Variants in PRKAR1B observed in about 807,000 individuals in gnomAD.
PRKAR1B encodes protein kinase cAMP-dependent type I regulatory subunit beta.
PRKAR1B carries 22 observed loss-of-function variants against 46.5 expected under a neutral mutation model. The ratio of observed to expected loss-of-function variants is 0.47; its 90% CI spans 0.34 to 0.68. The LOEUF (loss-of-function observed/expected upper bound fraction) is 0.68. PRKAR1B is among the 30% of genes least tolerant of loss of function. The pLI, the probability that PRKAR1B is intolerant of heterozygous loss-of-function variation, is 0.01. For synonymous variants in PRKAR1B, 259 were observed against 217.7 expected (o/e 1.19, Z -1.67); for missense variants, 445 against 535.6 (o/e 0.83, Z 1.67).
intron 4 of PRKAR1B, among the ~76,000 whole-genome samples, chr7:657,173 A>G (rs1354998484): frequency 6.6e-6 from 1 of 152,058 alleles, no homozygotes; most frequent in Non-Finnish European, 1.5e-5. Flanking sequence ...GAATGGATGC[A>G]TGAGTGAATG....
rs1014882823 is a variant in PRKAR1B, at chr7:577,651, G to A, written c.891+1605C>T. Among the ~76,000 whole-genome samples, 11 of 152,246 alleles carry A rather than the reference G, an allele frequency of 7.2e-5. No individual in the cohort carries two copies. The South Asian group carries it at 8.3e-4, about 11-fold the overall frequency. ...GACGCACTGCCGGCCCTGGGGTTCCGGCCCAGTTCCTGCAGCATGAATCCG... is the reference window on the plus strand; with the variant it reads ...GACGCACTGCCGGCCCTGGGGTTCCAGCCCAGTTCCTGCAGCATGAATCCG... On this transcript the variant is annotated intron_variant, in intron 9 of 10. Transcript: ENST00000537384.
intron 9 of PRKAR1B, among the ~76,000 whole-genome samples, chr7:567,484 T>TCATCAC (rs1176206890): frequency 1.6e-5 from 2 of 123,186 alleles, no homozygotes; most frequent in African/African-American, 6.0e-5. Context: ...ACCATCACCT[T>TCATCAC]CATCACCATC....
intron 8 of PRKAR1B, among the ~76,000 whole-genome samples, chr7:582,931 G>C (rs533837352): frequency 6.6e-6 from 1 of 152,358 alleles, no homozygotes; most frequent in East Asian, 1.9e-4. Flanking sequence ...TTCCAAGTAT[G>C]ACATTTTCAA....
At chr7:685,259 T>TATACACAC (rs1185254082) in intron 2 of PRKAR1B, among the ~76,000 whole-genome samples, 92 of 105,760 alleles carry the variant, frequency 8.7e-4, no homozygotes, top group African/African-American at 3.4e-3. Context: ...GTTTTATATA[T>TATACACAC]ACATATATAC....
chr7:692,252 T>G (rs1779471640), intron 2 of PRKAR1B, among the ~76,000 whole-genome samples: 1 of 152,136 alleles, frequency 6.6e-6, no homozygotes, highest in South Asian at 2.1e-4. Flanking sequence ...ATACAAAAAT[T>G]AGCCACATGT....
At chr7:623,019 T>A (rs1037522880) in intron 4 of PRKAR1B, among the ~76,000 whole-genome samples, 1 of 152,198 alleles carries the variant, frequency 6.6e-6, no homozygotes, top group Non-Finnish European at 1.5e-5. Context: ...GGGCAGACCC[T>A]GGGTGCTGGC....
rs748849363 is a variant in PRKAR1B, at chr7:690,421, G to A, written c.178-9695C>T. Among the ~76,000 whole-genome samples the A allele has an allele frequency of 2.6e-5, 4 of 151,934 alleles. No individual in the cohort carries two copies. The East Asian group carries it at 5.8e-4, about 22-fold the overall frequency. ...CCTCAGCATCACGCCGCATCCCCACGTAACAAACCTGCACACGTACCCCCA... is the reference window on the plus strand; with the variant it reads ...CCTCAGCATCACGCCGCATCCCCACATAACAAACCTGCACACGTACCCCCA... On this transcript the variant is annotated intron_variant, in intron 2 of 10. Coordinates refer to ENST00000537384, the MANE Select transcript of PRKAR1B (RefSeq NM_001164760.2).
intron 4 of PRKAR1B, among the ~76,000 whole-genome samples, chr7:635,597 T>G (rs1411992499): frequency 1.3e-5 from 2 of 152,158 alleles, no homozygotes; most frequent in African/African-American, 4.8e-5. Flanking sequence ...CCCGGAAGGC[T>G]CGGGACTCCT....
chr7:707,750 C>T (rs991753806), intron 2 of PRKAR1B, among the ~76,000 whole-genome samples: 1 of 152,174 alleles, frequency 6.6e-6, no homozygotes, highest in Non-Finnish European at 1.5e-5. Flanking sequence ...GCAGGACCCG[C>T]GATGCGTCTA....
chr7:623,404 C>T (rs1783215250), intron 4 of PRKAR1B, among the ~76,000 whole-genome samples: 1 of 152,252 alleles, frequency 6.6e-6, no homozygotes, highest in South Asian at 2.1e-4. Context: ...CTAGGCCCAT[C>T]TGTACTTCCT....
intron 7 of PRKAR1B, among the ~76,000 whole-genome samples, chr7:588,827 GATGGTGGTGATGGTA>G (rs200671819): frequency 0.055 from 1,887 of 34,040 alleles, 128 homozygotes; most frequent in Non-Finnish European, 0.066. Context: ...TGATGGTGGT[GATGGTGGTGATGGTA>G]ATGGTGGTGA....
At chr7:621,844 G>C (rs984841825) in intron 4 of PRKAR1B, among the ~76,000 whole-genome samples, 19 of 152,216 alleles carry the variant, frequency 1.2e-4, no homozygotes, top group African/African-American at 4.6e-4. Flanking sequence ...GTGATCATGA[G>C]GCTTGTGAAG....
At chr7:617,306 T>C (rs1010474750) in intron 4 of PRKAR1B, among the ~76,000 whole-genome samples, 3 of 150,818 alleles carry the variant, frequency 2.0e-5, no homozygotes, top group Non-Finnish European at 4.4e-5. Flanking sequence ...TGCCTTTTTT[T>C]TTTTTTTTTT....
chr7:709,971 G>A (rs192543315), intron 2 of PRKAR1B, among the ~76,000 whole-genome samples: 2,103 of 152,306 alleles, frequency 0.014, 48 homozygotes, highest in African/African-American at 0.048. Context: ...AAACATTTGA[G>A]GGGGAATTCG....
At chr7:589,302 C>T (rs187418132) in intron 7 of PRKAR1B, among the ~76,000 whole-genome samples, 9 of 152,026 alleles carry the variant, frequency 5.9e-5, no homozygotes, top group African/African-American at 1.9e-4. Flanking sequence ...GTGCCATGTC[C>T]ACCTTGGTCC....
At chr7:579,199 A>G (rs1164006571) in intron 9 of PRKAR1B, 57 bp downstream of exon 9, 4 of 1,612,412 alleles carry the variant, frequency 2.5e-6, no homozygotes, top group Non-Finnish European at 3.4e-6. Context: ...GGAGAAGGTA[A>G]GAAGTGCCCC....
chr7:671,230 G>A (rs1428579329), intron 4 of PRKAR1B, among the ~76,000 whole-genome samples: 2 of 152,176 alleles, frequency 1.3e-5, no homozygotes, highest in African/African-American at 2.4e-5. Context: ...GAAGGTGGGC[G>A]TGGATGTCAT....
At chr7:553,034 G>C (rs935863777) in intron 9 of PRKAR1B, among the ~76,000 whole-genome samples, 7 of 152,362 alleles carry the variant, frequency 4.6e-5, no homozygotes, top group African/African-American at 1.7e-4. Context: ...GCGGGGCTGG[G>C]GTAGCTGAAT....
intron 4 of PRKAR1B, among the ~76,000 whole-genome samples, chr7:609,690 G>A (rs1782365895): frequency 6.6e-6 from 1 of 152,226 alleles, no homozygotes; most frequent in Non-Finnish European, 1.5e-5. Context: ...ATGCACCTGG[G>A]TGAAAACATA....
Sources: gnomAD v4.1 joint callset for allele counts (sites outside exome capture counted in the v4.1 genomes callset) on GRCh38, gnomAD v4.1.1 for gene constraint, MANE v1.5 for transcripts, NCBI Gene and HGNC (gene_info 2026-07-23, HGNC 2026-07-21) for gene names.